The following LYSMD1 variants were observed in gnomAD, a reference collection of about 807,000 sequenced individuals.
LYSMD1 encodes the protein LysM domain containing 1, also known as lysM and putative peptidoglycan-binding domain-containing protein 1.
A neutral mutation model predicts 19.3 loss-of-function variants in LYSMD1; 9 were observed. The observed-to-expected ratio is 0.47, with a 90% CI of 0.28 to 0.81. The LOEUF (loss-of-function observed/expected upper bound fraction) is 0.81, where lower values mean the gene tolerates loss of function less well. Ranked by LOEUF, LYSMD1 falls within the 40% of genes least tolerant of loss-of-function variation. The pLI is 0.11. For synonymous variants in LYSMD1, 111 were observed against 111.7 expected, an observed-to-expected ratio of 0.99 and a Z score of 0.04; for missense variants, 262 against 279.8, an observed-to-expected ratio of 0.94 and a Z score of 0.45.
downstream of LYSMD1, chr1:151,159,559 C>T (rs1683360141): frequency 3.2e-6 from 1 of 315,130 alleles, no homozygotes; most frequent in African/African-American, 2.1e-5. Context: ...CAGGGAAGCC[C>T]CCTCCCATGT....
At chr1:151,149,624 G>A in the LYSMD1 span, among the ~76,000 whole-genome samples, 5 of 151,840 alleles carry the variant, frequency 3.3e-5, no homozygotes, top group Non-Finnish European at 5.9e-5. Flanking sequence ...GGCGGTGTGC[G>A]CCTGTAGTCC....
chr1:151,153,717 G>A, the LYSMD1 span, among the ~76,000 whole-genome samples: 4 of 151,912 alleles, frequency 2.6e-5, no homozygotes, highest in Admixed American at 2.0e-4. Flanking sequence ...CACTTTGGGA[G>A]GCTGAGGTGG....
the LYSMD1 span, among the ~76,000 whole-genome samples, chr1:151,152,582 C>T: frequency 6.6e-6 from 1 of 151,366 alleles, no homozygotes; most frequent in Middle Eastern, 3.4e-3. Context: ...CGCCTGTAAT[C>T]CCAGCTACTT....
At chr1:151,163,774 C>A (rs587633820) in intron 1 of LYSMD1, among the ~76,000 whole-genome samples, 1 of 152,100 alleles carries the variant, frequency 6.6e-6, no homozygotes, top group African/African-American at 2.4e-5. Context: ...GCAATCCACC[C>A]ACCTCAGCCT....
rs1056176410 is a variant in LYSMD1, at chr1:151,165,415, C to G, written c.-157G>C. 1.4e-6 allele frequency: 2 copies of G among 1,438,826 alleles called. No homozygotes were observed. The highest frequency in any genetic ancestry group is 2.6e-4 in the Middle Eastern group (1 of 3,900). 89.1% of individuals were successfully genotyped at this position (1,438,826 alleles called of 1,614,324 possible). The stretch of plus-strand genomic sequence containing the variant: ...CTCCCCAGCACTACGCCATCTGCCC[C>G]CTCCCGGTTTCTCCTCCCTCCAAGC... On this transcript the variant is annotated 5_prime_UTR_variant, in exon 1 of 3. Coordinates refer to ENST00000368908, the MANE Select transcript of LYSMD1 (RefSeq NM_212551.5).
intron 2 of LYSMD1, 138 bp downstream of exon 2, chr1:151,161,598 A>T: frequency 8.9e-7 from 1 of 1,124,174 alleles, no homozygotes; most frequent in Non-Finnish European, 1.3e-6. Context: ...TCTGCTCATT[A>T]TCTTGGGGCC....
At chr1:151,163,727 C>G (rs1683541171) in intron 1 of LYSMD1, among the ~76,000 whole-genome samples, 1 of 151,848 alleles carries the variant, frequency 6.6e-6, no homozygotes, top group Admixed American at 6.6e-5. Context: ...GGGGTTTCAC[C>G]ACATTGCCCA....
chr1:151,150,684 A>G, the LYSMD1 span, among the ~76,000 whole-genome samples: 1 of 151,172 alleles, frequency 6.6e-6, no homozygotes. Context: ...TGTATTTTTA[A>G]TGAATGGATA....
chr1:151,151,999 T>C, the LYSMD1 span, among the ~76,000 whole-genome samples: 1 of 151,224 alleles, frequency 6.6e-6, no homozygotes, highest in East Asian at 1.9e-4. Context: ...TTGTAATGCC[T>C]GGCATACAGT....
At position 151,165,479 on chromosome 1, in the gene LYSMD1, T is replaced by C; in HGVS notation, c.-221A>G. 1 of 1,432,596 alleles carries C rather than the reference T, an allele frequency of 7.0e-7. No homozygotes were observed. The allele number at this position is 1,432,596 out of a possible 1,614,324, so 88.7% of individuals were successfully genotyped here. ...ATCTGTCCCTTGAGTATTCAGTCCC[T>C]CCCTAATTCTCCCCTAAGCACCCCT... On this transcript the variant is annotated 5_prime_UTR_variant, in exon 1 of 3. Coordinates refer to ENST00000368908, the MANE Select transcript of LYSMD1 (RefSeq NM_212551.5).
At chr1:151,159,404 C>A, downstream of LYSMD1, 1 of 802,848 alleles carries the variant, frequency 1.2e-6, no homozygotes, top group Non-Finnish European at 2.0e-6. Flanking sequence ...TGAGACCAGC[C>A]CACCCCCAAA....
In LYSMD1 at chr1:151,162,068, A is replaced by G; in HGVS notation, c.213T>C (p.Tyr71=). The change falls in exon 2 of 3, where the codon TAT becomes TAC. Residue 71 remains tyrosine, a synonymous_variant. Transcript: ENST00000368908. ...TCTTCAGGAAGATGGAGTCATTAGT[A>G]TAAAGGCGGTTTGCACGTTTAATCT... is the stretch of plus-strand genomic sequence containing the variant. ...MEQIKRANRL[Y]TNDSIFLKKT... is the part of the protein sequence containing the mutation. 6.2e-7 allele frequency: 1 copy of G among 1,607,006 alleles called. No individual in the cohort carries two copies. Among genetic ancestry groups the G allele is most frequent in the Non-Finnish European group, 8.5e-7 (1 of 1,178,464 alleles).
At chr1:151,153,279 T>A in the LYSMD1 span, among the ~76,000 whole-genome samples, 1 of 152,168 alleles carries the variant, frequency 6.6e-6, no homozygotes, top group Non-Finnish European at 1.5e-5. Flanking sequence ...GAGGTCTGTT[T>A]GAGTCCAGGA....
In LYSMD1 at chr1:151,162,381, C is replaced by T. The variant is rs189449292; in HGVS notation, c.181-281G>A. 1.2e-4 allele frequency among the ~76,000 whole-genome samples: 18 copies of T among 151,570 alleles called. No homozygotes were observed. Among genetic ancestry groups the T allele is most frequent in the African/African-American group, 3.9e-4 (16 of 41,278 alleles). On this transcript the variant is annotated intron_variant, in intron 1 of 2. Coordinates refer to ENST00000368908, the MANE Select transcript of LYSMD1 (RefSeq NM_212551.5). ...CTGAGGAGGGAGGATAGCTTGAGCC[C>T]GGGAATTAGAGTCCAGCCTGAGTAA...
the LYSMD1 span, among the ~76,000 whole-genome samples, chr1:151,152,848 T>G: frequency 6.6e-6 from 1 of 152,192 alleles, no homozygotes; most frequent in Non-Finnish European, 1.5e-5. Flanking sequence ...TTAACCATGG[T>G]AAAACCTCAC....
At chr1:151,154,926 G>T (rs1683185820), downstream of LYSMD1, among the ~76,000 whole-genome samples, 1 of 152,170 alleles carries the variant, frequency 6.6e-6, no homozygotes, top group Non-Finnish European at 1.5e-5. Flanking sequence ...TTACAGGTGT[G>T]AGCCACCATG....
the LYSMD1 span, among the ~76,000 whole-genome samples, chr1:151,154,416 A>C: frequency 1.4e-5 from 2 of 148,146 alleles, no homozygotes. Flanking sequence ...CAGAGGTTGC[A>C]GTGAGCTGAA....
rs371428825 is a variant in LYSMD1 at position 151,164,847 on chromosome 1, T to G, written c.180+232A>C. Among the ~76,000 whole-genome samples, 6 of 152,324 alleles carry G rather than the reference T, an allele frequency of 3.9e-5. No homozygotes were observed. In the East Asian group the frequency reaches 1.2e-3, roughly 29 times the overall value. ...TGTGAGGGTGAAATGAGCTAACGTA[T>G]GTGAAGCCCTCAGCACAGTGTCTGG... On this transcript the variant is annotated intron_variant, in intron 1 of 2. Transcript: ENST00000368908.
At chr1:151,158,634 C>A, downstream of LYSMD1, 2 of 1,390,758 alleles carry the variant, frequency 1.4e-6, no homozygotes, top group East Asian at 2.3e-5. Flanking sequence ...CCATTTCTCT[C>A]TTTCTAAGGA....
Sources: gnomAD v4.1 joint callset for allele counts (sites outside exome capture counted in the v4.1 genomes callset) on GRCh38, gnomAD v4.1.1 for gene constraint, MANE v1.5 for transcripts, NCBI Gene and HGNC (gene_info 2026-07-23, HGNC 2026-07-21) for gene names.